The following CRYBG3 variants were observed in gnomAD, a reference collection of about 807,000 sequenced individuals.
CRYBG3 encodes crystallin beta-gamma domain containing 3, also known as very large A-kinase anchor protein.
CRYBG3 carries 127 observed loss-of-function variants against 244.2 expected under a neutral mutation model. The ratio of observed to expected loss-of-function variants is 0.52; its 90% CI spans 0.45 to 0.60. The LOEUF is 0.60. Ranked by LOEUF, CRYBG3 falls within the 20% of genes least tolerant of loss-of-function variation. The probability of loss-of-function intolerance (pLI) is 0.00; values close to 1 mark genes in which losing one functional copy is unlikely to be tolerated. For missense variants in CRYBG3, 3,325 were observed against 3,442.5 expected (o/e 0.97, Z 0.85); for synonymous variants, 1,132 against 1,195.8 (o/e 0.95, Z 1.10).
In CRYBG3 at chr3:97,865,762, A is replaced by G. The variant is rs184700453; in HGVS notation, c.647+1115A>G. Among the ~76,000 whole-genome samples the G allele has an allele frequency of 9.7e-4, 148 of 152,324 alleles. 1 individual carries two copies. Among genetic ancestry groups the G allele is most frequent in the African/African-American group, 3.3e-3 (138 of 41,582 alleles). ...CATCTTTGTACTAAAGTAAATTAAGATAGAGTAACAAATGTTAAAAACAAT... is the reference window on the plus strand; with the variant it reads ...CATCTTTGTACTAAAGTAAATTAAGGTAGAGTAACAAATGTTAAAAACAAT... On this transcript the variant is annotated intron_variant, in intron 3 of 21. Coordinates refer to ENST00000389622, the MANE Select transcript of CRYBG3 (RefSeq NM_153605.4).
At chr3:97,929,346 C>A (rs567863154) in intron 17 of CRYBG3, among the ~76,000 whole-genome samples, 2 of 151,794 alleles carry the variant, frequency 1.3e-5, no homozygotes, top group South Asian at 4.2e-4. Flanking sequence ...AATAGTTGAT[C>A]TCTCTTCCTA....
At chr3:97,914,931 C>G (rs1165848891) in intron 16 of CRYBG3, among the ~76,000 whole-genome samples, 1 of 152,098 alleles carries the variant, frequency 6.6e-6, no homozygotes, top group South Asian at 2.1e-4. Context: ...TCCTTCTTTT[C>G]AAAAGGCTGT....
At chr3:97,864,186 A>G in intron 2 of CRYBG3, 31 bp from the exon 3 acceptor site, 1 of 1,425,040 alleles carries the variant, frequency 7.0e-7, no homozygotes, top group Non-Finnish European at 9.2e-7. Context: ...TTAAATAATG[A>G]TGCTTATGAT....
chr3:97,900,417 A>G, intron 14 of CRYBG3, 36 bp from the exon 15 acceptor site: 1 of 1,443,752 alleles, frequency 6.9e-7, no homozygotes, highest in Non-Finnish European at 9.7e-7. Flanking sequence ...AGATTATGTG[A>G]TTACAATTTT....
intron 1 of CRYBG3, among the ~76,000 whole-genome samples, chr3:97,823,801 A>G (rs1004306180): frequency 2.7e-4 from 41 of 152,306 alleles, no homozygotes; most frequent in Admixed American, 2.2e-3. Context: ...AGAAAGGAGT[A>G]AGCAGGTCAA....
intron 11 of CRYBG3, 26 bp downstream of exon 11, chr3:97,893,019 C>T: frequency 6.3e-7 from 1 of 1,577,324 alleles, no homozygotes; most frequent in Non-Finnish European, 8.6e-7. Context: ...TTAACATTTG[C>T]ACAAGTAGTC....
chr3:97,888,307 A>G lies in CRYBG3; in HGVS notation c.7290-34A>G, dbSNP rs747610721. ...TACAGAACCAGACTAAAGCAGTACT[A>G]TTATACTTTAACTAACTATCTATTT... On this transcript the variant is annotated intron_variant, in intron 8 of 21. Coordinates refer to ENST00000389622, the MANE Select transcript of CRYBG3 (RefSeq NM_153605.4). 6 of 1,306,034 alleles carry G rather than the reference A, an allele frequency of 4.6e-6. No homozygotes were observed. The Admixed American group carries it at 5.4e-5, about 12-fold the overall frequency. 80.9% of individuals were successfully genotyped at this position (1,306,034 alleles called of 1,614,324 possible). A position where few individuals can be genotyped will look rare whatever the true frequency, so the allele number is the denominator to read the frequency against.
At position 97,852,520 on chromosome 3, in the gene CRYBG3, G is replaced by A. The variant is rs539118568; in HGVS notation, c.216+9259G>A. Among the ~76,000 whole-genome samples, 214 of 152,276 alleles carry A rather than the reference G, an allele frequency of 1.4e-3. 1 individual carries two copies. Among genetic ancestry groups the A allele is most frequent in the African/African-American group, 4.9e-3 (204 of 41,548 alleles). ...AAAGGAAAAGAAACAGGGAGGGTTGGTAACTCCTTTGTAACGAGGTTAGTA... is the reference window on the plus strand; with the variant it reads ...AAAGGAAAAGAAACAGGGAGGGTTGATAACTCCTTTGTAACGAGGTTAGTA... On this transcript the variant is annotated intron_variant, in intron 2 of 21. Coordinates refer to ENST00000389622, the MANE Select transcript of CRYBG3 (RefSeq NM_153605.4).
rs527813470 is a variant in CRYBG3 at position 97,824,611 on chromosome 3, G to C, written c.149+2256G>C. 4.6e-5 allele frequency among the ~76,000 whole-genome samples: 7 copies of C among 152,140 alleles called. No homozygotes were observed. The South Asian group carries it at 1.5e-3, about 32-fold the overall frequency. On this transcript the variant is annotated intron_variant, in intron 1 of 21. Transcript: ENST00000389622. ...TTATGGTGTGCTGTGATTTATATGG[G>C]CTTCAGTTGGTGACAACACTTCATT...
At chr3:97,852,985 C>T (rs144188723) in intron 2 of CRYBG3, among the ~76,000 whole-genome samples, 11 of 152,144 alleles carry the variant, frequency 7.2e-5, no homozygotes, top group African/African-American at 2.4e-4. Context: ...TGATAAATGT[C>T]TGTTCAGATT....
chr3:97,930,027 G>GA, intron 17 of CRYBG3, among the ~76,000 whole-genome samples: 1 of 152,122 alleles, frequency 6.6e-6, no homozygotes, highest in South Asian at 2.1e-4. Flanking sequence ...AAAGGAAGAG[G>GA]AAAAATGTAC....
At chr3:97,861,484 A>C (rs1241559569) in intron 2 of CRYBG3, among the ~76,000 whole-genome samples, 1 of 152,192 alleles carries the variant, frequency 6.6e-6, no homozygotes, top group Admixed American at 6.6e-5. Context: ...TTGGGCCCCA[A>C]CATAGCAAAG....
Position 97,822,351 on chromosome 3 carries a change from G to A in CRYBG3, c.145G>A (p.Ala49Thr). The stretch of plus-strand genomic sequence containing the variant: ...GCCTCCAGCTCCAGGCCGGTCCGCT[G>A]CCAGGTGGGAGTCGAGGAGGGGGTC... Reference protein sequence around the residue: ...SPPPAPGRSAASVENEPMSTS... With the variant: ...SPPPAPGRSATSVENEPMSTS... The change falls in exon 1 of 22, where the codon GCC (alanine) becomes ACC (threonine). Residue 49 changes from alanine to threonine, a missense_variant. Ala to Thr is a moderately conservative substitution (Grantham distance 58). Around this residue, in one of 4 missense-constraint regions of CRYBG3, gnomAD observed 1,526 missense variants for 1,443.2 expected, o/e 1.06. Coordinates refer to ENST00000389622, the MANE Select transcript of CRYBG3 (RefSeq NM_153605.4). The A allele has an allele frequency of 6.7e-7, 1 of 1,501,802 alleles. No individual in the cohort carries two copies. The allele number at this position is 1,501,802 out of a possible 1,614,324, so 93.0% of individuals were successfully genotyped here.
chr3:97,942,775 G>A (rs1341873145), intron 21 of CRYBG3: 1 of 227,744 alleles, frequency 4.4e-6, no homozygotes. Flanking sequence ...GCCAGGAATT[G>A]CCATGGTCCT....
chr3:97,916,262 A>G (rs1322652922), intron 17 of CRYBG3, among the ~76,000 whole-genome samples: 1 of 152,170 alleles, frequency 6.6e-6, no homozygotes, highest in Non-Finnish European at 1.5e-5. Context: ...GTCTGCTACT[A>G]AGGTTAACTA....
Position 97,877,635 on chromosome 3 carries a change from TGAG to T in CRYBG3, c.6444_6446del (p.Glu2154del). On this transcript the variant is annotated inframe_deletion, in exon 4 of 22. Transcript: ENST00000389622. The stretch of plus-strand genomic sequence containing the variant: ...ATGAAGATGACAGAGAGGCAGCTGA[TGAG>T]GAAGAAGAGGAGGAGGAGGCAGCAG... The T allele has an allele frequency of 6.2e-7, 1 of 1,614,004 alleles. No individual in the cohort carries two copies. Among genetic ancestry groups the T allele is most frequent in the Non-Finnish European group, 8.5e-7 (1 of 1,179,986 alleles).
chr3:97,904,042 T>G (rs1459280749), intron 15 of CRYBG3, among the ~76,000 whole-genome samples: 1 of 152,192 alleles, frequency 6.6e-6, no homozygotes, highest in South Asian at 2.1e-4. Flanking sequence ...TGTTATCGAT[T>G]GTTCTGTAAA....
chr3:97,882,205 C>G (rs919847236), intron 7 of CRYBG3, among the ~76,000 whole-genome samples: 3 of 149,406 alleles, frequency 2.0e-5, no homozygotes, highest in African/African-American at 7.4e-5. Context: ...AAGACTCTGT[C>G]TAATAATAAT....
chr3:97,839,522 A>G (rs1343503774), intron 1 of CRYBG3, among the ~76,000 whole-genome samples: 3 of 152,130 alleles, frequency 2.0e-5, no homozygotes, highest in African/African-American at 7.2e-5. Flanking sequence ...AATGGCTGGC[A>G]TATTCTTTCA....
Sources: allele counts gnomAD v4.1 joint callset (sites outside exome capture counted in the v4.1 genomes callset), GRCh38; gene constraint gnomAD v4.1.1; regional missense constraint gnomAD v4.1.1; transcripts MANE v1.5; gene names NCBI Gene and HGNC (gene_info 2026-07-23, HGNC 2026-07-21).